Variants in URAD observed in about 807,000 individuals in gnomAD.
The protein encoded by URAD is putative 2-oxo-4-hydroxy-4-carboxy-5-ureidoimidazoline decarboxylase.
Under a neutral mutation model 4.6 loss-of-function variants are expected in URAD, and 4 were observed. The observed-to-expected ratio is 0.87, with a 90% CI of 0.43 to 1.98. The LOEUF is 1.98. URAD is among the 30% of genes most tolerant of loss of function. The pLI, the probability that URAD is intolerant of heterozygous loss-of-function variation, is 0.03. For missense variants in URAD, 300 were observed against 255.3 expected (o/e 1.18, Z -1.19); for synonymous variants, 144 against 118.2 (o/e 1.22, Z -1.41).
intron 1 of URAD, among the ~76,000 whole-genome samples, chr13:27,982,535 T>C (rs1869907118): frequency 6.6e-6 from 1 of 152,182 alleles, no homozygotes; most frequent in South Asian, 2.1e-4. Context: ...ATCTCATCCC[T>C]TTGTTGTTTA....
chr13:27,978,456 C>A lies in URAD; in HGVS notation c.176-4G>T, dbSNP rs1442117110. 1 of 1,321,792 alleles carries A rather than the reference C, an allele frequency of 7.6e-7. No individual in the cohort carries two copies. Among genetic ancestry groups the A allele is most frequent in the Non-Finnish European group, 9.6e-7 (1 of 1,041,340 alleles). 81.9% of individuals were successfully genotyped at this position (1,321,792 alleles called of 1,614,324 possible). Reference sequence around the variant, plus strand: ...CAGCGCAGGATGCCCTCCTGGCCTGCGGAGAAGCACAGACACCGGCGGGAG... The same window carrying A: ...CAGCGCAGGATGCCCTCCTGGCCTGAGGAGAAGCACAGACACCGGCGGGAG... On this transcript the variant is annotated splice_polypyrimidine_tract_variant and splice_region_variant and intron_variant, in intron 1 of 1. Transcript: ENST00000332715.
chr13:27,977,906 T>G lies in URAD; in HGVS notation c.*200A>C. ...GGCAAAGCACTAAACAATATGGATA[T>G]TTTGGCAACGCGTGCGCGTGTGGGT... On this transcript the variant is annotated 3_prime_UTR_variant, in exon 2 of 2. Transcript: ENST00000332715. The G allele has an allele frequency of 4.0e-6, 2 of 503,626 alleles. No homozygotes were observed. The highest frequency in any genetic ancestry group is 6.9e-6 in the Non-Finnish European group (2 of 291,158). The allele number at this position is 503,626 out of a possible 1,614,324, so 31.2% of individuals were successfully genotyped here. A position where few individuals can be genotyped will look rare whatever the true frequency, so the allele number is the denominator to read the frequency against.
chr13:27,978,524 G>A (rs1254578338), intron 1 of URAD, 72 bp from the exon 2 acceptor site: 15 of 1,158,488 alleles, frequency 1.3e-5, no homozygotes, highest in Non-Finnish European at 1.6e-5. Context: ...TCGAGGGGGC[G>A]CGTAGGCCGC....
chr13:27,986,426 T>C (rs969029694), intron 1 of URAD, among the ~76,000 whole-genome samples: 7 of 152,184 alleles, frequency 4.6e-5, no homozygotes, highest in African/African-American at 1.4e-4. Context: ...CACTCCACTA[T>C]GCTCAGGGCC....
intron 1 of URAD, among the ~76,000 whole-genome samples, chr13:27,981,436 C>T (rs943720421): frequency 2.0e-5 from 3 of 152,190 alleles, no homozygotes; most frequent in Non-Finnish European, 4.4e-5. Flanking sequence ...TTCAGTCTTT[C>T]TTGAAAATCT....
chr13:27,978,848 G>T (rs1869799289), intron 1 of URAD, among the ~76,000 whole-genome samples: 1 of 152,164 alleles, frequency 6.6e-6, no homozygotes, highest in African/African-American at 2.4e-5. Context: ...TAAGGATCCT[G>T]AGCTTTTCCT....
intron 1 of URAD, 52 bp from the exon 2 acceptor site, chr13:27,978,504 C>T: frequency 8.0e-7 from 1 of 1,245,436 alleles, no homozygotes; most frequent in Non-Finnish European, 1.0e-6. Flanking sequence ...GCCCGTCCCG[C>T]ACCGCGCACT....
At chr13:27,987,903 TAGATAGATAGATAGATAGATA>T (rs1252532110) in intron 1 of URAD, among the ~76,000 whole-genome samples, 1 of 62,318 alleles carries the variant, frequency 1.6e-5, no homozygotes, top group Non-Finnish European at 3.9e-5. Flanking sequence ...GATAGATAGA[TAGATAGATAGATAGATAGATA>T]GATAGATAGA....
At chr13:27,986,213 G>C (rs997054499) in intron 1 of URAD, among the ~76,000 whole-genome samples, 1 of 152,214 alleles carries the variant, frequency 6.6e-6, no homozygotes, top group South Asian at 2.1e-4. Flanking sequence ...GGGGAAGGGG[G>C]TAATGCCAGA....
chr13:27,986,814 G>C (rs1870041836), intron 1 of URAD, among the ~76,000 whole-genome samples: 1 of 152,126 alleles, frequency 6.6e-6, no homozygotes, highest in East Asian at 1.9e-4. Context: ...GGGGCCTCCT[G>C]CTCCTTCCGG....
chr13:27,983,282 T>C (rs1869927082), intron 1 of URAD, among the ~76,000 whole-genome samples: 2 of 152,116 alleles, frequency 1.3e-5, no homozygotes. Context: ...CAGGCTGGAG[T>C]GCAGTGGTGC....
intron 1 of URAD, 94 bp from the exon 2 acceptor site, chr13:27,978,546 C>T (rs1382696320): frequency 1.0e-6 from 1 of 977,298 alleles, no homozygotes; most frequent in Non-Finnish European, 1.3e-6. Flanking sequence ...CCCGGCCCCC[C>T]TGCCCCGCCC....
chr13:27,980,938 T>C (rs576272674), intron 1 of URAD, among the ~76,000 whole-genome samples: 1 of 151,804 alleles, frequency 6.6e-6, no homozygotes, highest in East Asian at 1.9e-4. Context: ...GCAGATAAAC[T>C]AGCAGAGCAA....
In URAD at chr13:27,978,159, T is replaced by G. The variant is rs1424814210; in HGVS notation, c.469A>C (p.Ile157Leu). 3.3e-6 allele frequency: 5 copies of G among 1,534,926 alleles called. No individual in the cohort carries two copies. The highest frequency in any genetic ancestry group is 4.3e-6 in the Non-Finnish European group (5 of 1,153,640). Residue 157 changes from isoleucine (I) to leucine (L), a missense_variant, in exon 2 of 2, where the codon ATC becomes CTC. Coordinates refer to ENST00000332715, the MANE Select transcript of URAD (RefSeq NM_001105577.2). ...LRTALGEVKK[I>L]GSLRLADLLR... Reference sequence around the variant, plus strand: ...AGGTCGGCCAGGCGCAGGCTGCCGATCTTCTTCACCTCGCCCAGAGCAGTG... The same window carrying G: ...AGGTCGGCCAGGCGCAGGCTGCCGAGCTTCTTCACCTCGCCCAGAGCAGTG...
chr13:27,978,062 C>A lies in URAD; in HGVS notation c.*44G>T, dbSNP rs564566223. On this transcript the variant is annotated 3_prime_UTR_variant, in exon 2 of 2. Coordinates refer to ENST00000332715, the MANE Select transcript of URAD (RefSeq NM_001105577.2). ...ACGCACAGCTCCGGGCCGTGGCCCC[C>A]GCGCGTCCGGTTGTGCGTCCCGGGT... 81 of 1,399,912 alleles carry A rather than the reference C, an allele frequency of 5.8e-5. 1 individual carries two copies. In the South Asian group the frequency reaches 1.1e-3, roughly 19 times the overall value. 86.7% of individuals were successfully genotyped at this position (1,399,912 alleles called of 1,614,324 possible). A position where few individuals can be genotyped will look rare whatever the true frequency, so the allele number is the denominator to read the frequency against.
intron 1 of URAD, among the ~76,000 whole-genome samples, chr13:27,983,862 A>G (rs1411955361): frequency 1.3e-5 from 2 of 152,100 alleles, no homozygotes; most frequent in African/African-American, 4.8e-5. Context: ...GGAGTGTTTC[A>G]TTTTGTTTTG....
chr13:27,988,435 C>A, intron 1 of URAD, 28 bp downstream of exon 1: 1 of 1,554,432 alleles, frequency 6.4e-7, no homozygotes, highest in Non-Finnish European at 8.7e-7. Context: ...AATCCCTTTG[C>A]AGAGAATGTC....
chr13:27,983,199 A>T (rs572909265), intron 1 of URAD, among the ~76,000 whole-genome samples: 8 of 152,124 alleles, frequency 5.3e-5, no homozygotes, highest in African/African-American at 1.9e-4. Context: ...AAAAATGTCG[A>T]GTTCATCCTG....
chr13:27,986,370 A>G (rs1870028537), intron 1 of URAD, among the ~76,000 whole-genome samples: 1 of 152,198 alleles, frequency 6.6e-6, no homozygotes, highest in Admixed American at 6.5e-5. Context: ...CGGGGGCATC[A>G]AAACAAGCCT....
Sources: gnomAD v4.1 joint callset for allele counts (sites outside exome capture counted in the v4.1 genomes callset) on GRCh38, gnomAD v4.1.1 for gene constraint, MANE v1.5 for transcripts, NCBI Gene and HGNC (gene_info 2026-07-23, HGNC 2026-07-21) for gene names.